MGST1: variants seen among roughly 807,000 people sequenced by gnomAD.
MGST1 encodes microsomal glutathione S-transferase 1.
MGST1 carries 5 observed loss-of-function variants against 8.9 expected under a neutral mutation model. That is an observed-to-expected ratio of 0.56 (90% CI 0.29 to 1.19). MGST1 has a LOEUF of 1.19. MGST1 is among the 50% of genes most tolerant of loss of function. MGST1 has a pLI of 0.08. For missense variants in MGST1, 182 were observed against 187.4 expected, an observed-to-expected ratio of 0.97 and a Z score of 0.17; for synonymous variants, 54 against 67.8, an observed-to-expected ratio of 0.80 and a Z score of 1.00.
Position 16,401,130 on chromosome 12 carries a change from GAA to G in MGST1, n.778+17529_778+17530del. Reference sequence around the variant, plus strand: ...CCTTTTCCTCATCTTCGTTCCTTAGGAAAATACCCACATTCTTCACTTTCTTC... The same window carrying G: ...CCTTTTCCTCATCTTCGTTCCTTAGGAATACCCACATTCTTCACTTTCTTC... On this transcript the variant is annotated intron_variant and non_coding_transcript_variant, in intron 1 of 1. Transcript: ENST00000359720. The surrounding 1 kb of genome is among the most constrained non-coding windows in gnomAD (Gnocchi z 4.3). 7.0e-6 allele frequency: 11 copies of G among 1,572,758 alleles called. No homozygotes were observed. The highest frequency in any genetic ancestry group is 1.3e-5 in the African/African-American group (1 of 74,142).
intron 1 of MGST1, chr12:16,353,337 G>C (rs1404474732): frequency 1.3e-5 from 2 of 152,016 alleles, no homozygotes; most frequent in South Asian, 4.2e-4. Context: ...CAGGCCTACT[G>C]TTTCGATTTT....
At chr12:16,463,822 C>T (rs563886495) in intron 4 of MGST1, among the ~76,000 whole-genome samples, 1 of 152,276 alleles carries the variant, frequency 6.6e-6, no homozygotes, top group African/African-American at 2.4e-5. Context: ...CTCATCTTTG[C>T]TTCTGCCTCT....
chr12:16,533,403 C>T (rs147064699), intron 4 of MGST1, among the ~76,000 whole-genome samples: 1 of 152,186 alleles, frequency 6.6e-6, no homozygotes. Flanking sequence ...GCTCAGCCAA[C>T]CATTTGTCTC....
At position 16,410,409 on chromosome 12, in the gene MGST1, C is replaced by T. The variant is rs898691189; in HGVS notation, n.778+26805C>T. ...GTTCAAGTTCCCACCAGTTCTCACC[C>T]GAATTGCTGCAATAGCCCGTCTGTG... On this transcript the variant is annotated intron_variant and non_coding_transcript_variant, in intron 1 of 1. Coordinates refer to the MGST1 transcript ENST00000359720. The surrounding 1 kb of genome is among the most constrained non-coding windows in gnomAD (Gnocchi z 4.4). 1.1e-4 allele frequency among the ~76,000 whole-genome samples: 16 copies of T among 152,040 alleles called. No homozygotes were observed. Among genetic ancestry groups the T allele is most frequent in the East Asian group, 1.9e-4 (1 of 5,190 alleles).
intron 4 of MGST1, chr12:16,567,720 G>T (rs1722114111): frequency 2.0e-5 from 3 of 152,304 alleles, no homozygotes; most frequent in South Asian, 4.2e-4. Flanking sequence ...GATGGGTGAT[G>T]ACAGCTTGGA....
At position 16,513,856 on chromosome 12, in the gene MGST1, A is replaced by G. The variant is rs61734854; in HGVS notation, n.483-75672A>G. The G allele has an allele frequency of 7.1e-4, 432 of 612,320 alleles. No homozygotes were observed. The highest frequency in any genetic ancestry group is 1.2e-3 in the Non-Finnish European group (385 of 316,432). The allele number at this position is 612,320 out of a possible 1,614,324, so 37.9% of individuals were successfully genotyped here. On this transcript the variant is annotated intron_variant and non_coding_transcript_variant, in intron 4 of 4. Transcript: ENST00000538857. This position sits in a 1 kb window ranked among gnomAD's most constrained non-coding sequence, Gnocchi z 4.2. ...GTTCAGCCAAGATGTCTTTCTGCCC[A>G]AACCAACCTGGGGAAGTCGCACACC...
intron 4 of MGST1, among the ~76,000 whole-genome samples, chr12:16,499,564 C>A (rs1941491865): frequency 6.6e-6 from 1 of 152,026 alleles, no homozygotes; most frequent in Non-Finnish European, 1.5e-5. Flanking sequence ...CAGTGGGTGC[C>A]ATTACCAATA....
intron 4 of MGST1, among the ~76,000 whole-genome samples, chr12:16,562,103 T>C (rs183128593): frequency 3.7e-4 from 56 of 152,258 alleles, no homozygotes; most frequent in African/African-American, 1.2e-3. Context: ...TGCTCGAAAA[T>C]GTAATATCTT....
rs1940759323 is a variant in MGST1 at position 16,413,415 on chromosome 12, C to T, written n.779-23973C>T. 6.6e-6 allele frequency among the ~76,000 whole-genome samples: 1 copy of T among 152,150 alleles called. No homozygotes were observed. Among genetic ancestry groups the T allele is most frequent in the Admixed American group, 6.5e-5 (1 of 15,278 alleles). On this transcript the variant is annotated intron_variant and non_coding_transcript_variant, in intron 1 of 1. Transcript: ENST00000359720. The surrounding 1 kb of genome is among the most constrained non-coding windows in gnomAD (Gnocchi z 4.0). ...TTTGCTAACTCTCATCCAAGCAGCC[C>T]CATTGTGAACAGAACACTCAATTTT...
intron 4 of MGST1, among the ~76,000 whole-genome samples, chr12:16,580,016 T>A (rs1943110777): frequency 6.6e-6 from 1 of 152,216 alleles, no homozygotes; most frequent in African/African-American, 2.4e-5. Context: ...CAGTTTATCA[T>A]CTCATGATCA....
chr12:16,518,169 A>G (rs1941626191), intron 4 of MGST1, among the ~76,000 whole-genome samples: 1 of 152,188 alleles, frequency 6.6e-6, no homozygotes, highest in South Asian at 2.1e-4. Flanking sequence ...GGCCTTATCC[A>G]CTGCTACCTC....
At chr12:16,481,126 C>T (rs1359659448) in intron 4 of MGST1, among the ~76,000 whole-genome samples, 3 of 152,044 alleles carry the variant, frequency 2.0e-5, no homozygotes, top group Non-Finnish European at 2.9e-5. Flanking sequence ...AGAAAGACCT[C>T]ACCAAAACAA....
intron 4 of MGST1, among the ~76,000 whole-genome samples, chr12:16,553,839 A>G (rs1942081912): frequency 1.3e-5 from 2 of 152,048 alleles, no homozygotes; most frequent in African/African-American, 4.8e-5. Flanking sequence ...TGATTTAACC[A>G]ACTTCTTATG....
downstream of MGST1, chr12:16,589,598 T>A (rs1416090624): frequency 6.6e-6 from 1 of 152,108 alleles, no homozygotes; most frequent in Admixed American, 6.6e-5. This position sits in a 1 kb window ranked among gnomAD's most constrained non-coding sequence, Gnocchi z 4.2. Context: ...AAGCACATCA[T>A]CTCTATTATA....
At chr12:16,394,513 C>CTTTCTTTCTTT (rs1940584541) in intron 1 of MGST1, among the ~76,000 whole-genome samples, 1 of 84,396 alleles carries the variant, frequency 1.2e-5, no homozygotes, top group African/African-American at 4.8e-5. Flanking sequence ...TCTTTCTCTC[C>CTTTCTTTCTTT]CTTTCTTTCT....
chr12:16,435,279 A>T (rs1940974865), intron 1 of MGST1, among the ~76,000 whole-genome samples: 1 of 151,990 alleles, frequency 6.6e-6, no homozygotes, highest in African/African-American at 2.4e-5. Flanking sequence ...ATATTGATAT[A>T]GCCCAGGTAC....
intron 1 of MGST1, chr12:16,437,243 C>T (rs1337713241): frequency 6.6e-6 from 1 of 151,896 alleles, no homozygotes; most frequent in Non-Finnish European, 1.5e-5. Flanking sequence ...AGGGTATGCT[C>T]TGGAGAAAAT....
chr12:16,384,088 A>G (rs1328857457), intron 1 of MGST1, among the ~76,000 whole-genome samples: 1 of 152,144 alleles, frequency 6.6e-6, no homozygotes, highest in Non-Finnish European at 1.5e-5. Context: ...CTCTGGTACA[A>G]AAAGAGGGGG....
At chr12:16,404,225 G>A (rs1940682164) in intron 1 of MGST1, among the ~76,000 whole-genome samples, 1 of 152,026 alleles carries the variant, frequency 6.6e-6, no homozygotes, top group Non-Finnish European at 1.5e-5. Flanking sequence ...CAGCTTTATA[G>A]TCTATCTTGT....
Sources: gnomAD v4.1 joint callset for allele counts (sites outside exome capture counted in the v4.1 genomes callset) on GRCh38, gnomAD v4.1.1 for gene constraint, Gnocchi (gnomAD v3.1) non-coding constraint, MANE v1.5 for transcripts, NCBI Gene and HGNC (gene_info 2026-07-23, HGNC 2026-07-21) for gene names.